Variants in HDAC9 observed in about 807,000 individuals in gnomAD.
HDAC9 encodes histone deacetylase 9, also known as MEF-2 interacting transcription repressor (MITR) protein.
In HDAC9, 41 loss-of-function variants were observed where a neutral mutation model predicts 139.4. The observed-to-expected ratio is 0.29, with a 90% confidence interval of 0.23 to 0.38. The LOEUF (loss-of-function observed/expected upper bound fraction) is 0.38, where lower values mean the gene tolerates loss of function less well. Among genes scored for constraint, HDAC9 ranks in the 10% least tolerant of loss-of-function variants. The probability of loss-of-function intolerance (pLI) is 1.00; values close to 1 mark genes in which losing one functional copy is unlikely to be tolerated. For synonymous variants in HDAC9, 517 were observed against 476.2 expected, an observed-to-expected ratio of 1.09 and a Z score of -1.12; for missense variants, 1,147 against 1,297.0, an observed-to-expected ratio of 0.88 and a Z score of 1.78.
intron 2 of HDAC9, among the ~76,000 whole-genome samples, chr7:18,269,962 T>C (rs1796250394): frequency 6.6e-6 from 1 of 152,138 alleles, no homozygotes; most frequent in Non-Finnish European, 1.5e-5. Flanking sequence ...CAGGGGTTTC[T>C]CAACCTCAGC....
intron 2 of HDAC9, among the ~76,000 whole-genome samples, chr7:18,259,075 T>C (rs1795473231): frequency 6.7e-6 from 1 of 148,590 alleles, no homozygotes; most frequent in Non-Finnish European, 1.5e-5. Flanking sequence ...GTTCAAGCAC[T>C]TCTCCTGCCT....
intron 2 of HDAC9, among the ~76,000 whole-genome samples, chr7:18,271,013 G>C (rs1469990588): frequency 6.6e-6 from 1 of 152,130 alleles, no homozygotes; most frequent in Non-Finnish European, 1.5e-5. Flanking sequence ...TGGAAAAAAT[G>C]CTCAGGGTAT....
At chr7:18,638,445 G>A (rs756290950) in intron 8 of HDAC9, among the ~76,000 whole-genome samples, 1 of 152,062 alleles carries the variant, frequency 6.6e-6, no homozygotes, top group Non-Finnish European at 1.5e-5. Context: ...TAGAATGTAT[G>A]GGTGTTCCAT....
chr7:18,262,154 G>T (rs4721704), intron 2 of HDAC9, among the ~76,000 whole-genome samples: 61,093 of 152,060 alleles, frequency 0.4, 13,846 homozygotes, highest in Admixed American at 0.52. Context: ...AAGGGCTATA[G>T]TAACCCAAAG....
chr7:18,232,281 T>C (rs1365564772), intron 2 of HDAC9, among the ~76,000 whole-genome samples: 1 of 152,022 alleles, frequency 6.6e-6, no homozygotes, highest in Non-Finnish European at 1.5e-5. Flanking sequence ...AACCAGAAGC[T>C]CCCAGGGTTG....
rs561346418 is a variant in HDAC9 at position 18,121,589 on chromosome 7, A to C, written c.-97+34376A>C. On this transcript the variant is annotated intron_variant, in intron 1 of 12. Transcript: ENST00000417496. ...TGAAATTATCTATAAAGGAGTTGAA[A>C]AAACAGCTTTTAATCAACATTCAAT... 2.3e-3 allele frequency among the ~76,000 whole-genome samples: 346 copies of C among 152,310 alleles called. 4 individuals are homozygous for C. Among genetic ancestry groups the C allele is most frequent in the African/African-American group, 8.0e-3 (333 of 41,562 alleles).
At chr7:18,888,160 G>A (rs1022682099) in intron 22 of HDAC9, among the ~76,000 whole-genome samples, 3 of 152,090 alleles carry the variant, frequency 2.0e-5, no homozygotes, top group Non-Finnish European at 4.4e-5. Context: ...GGTGGCTCCC[G>A]CCTGTAATCC....
chr7:18,710,681 C>A (rs962422703), intron 12 of HDAC9, among the ~76,000 whole-genome samples: 1 of 152,092 alleles, frequency 6.6e-6, no homozygotes, highest in Non-Finnish European at 1.5e-5. Context: ...GGCATTCATA[C>A]CTAGGAGTTG....
chr7:18,817,575 T>C (rs1794666403), intron 17 of HDAC9, among the ~76,000 whole-genome samples: 1 of 152,218 alleles, frequency 6.6e-6, no homozygotes, highest in Non-Finnish European at 1.5e-5. Flanking sequence ...TACAACTTAA[T>C]ATAAAAAATC....
intron 16 of HDAC9, among the ~76,000 whole-genome samples, chr7:18,782,872 G>A (rs530989655): frequency 2.6e-5 from 4 of 152,094 alleles, no homozygotes; most frequent in East Asian, 1.9e-4. Context: ...GAACTTGCCC[G>A]TGTTTGAATA....
intron 25 of HDAC9, among the ~76,000 whole-genome samples, chr7:18,977,552 G>T (rs1260159232): frequency 6.6e-6 from 1 of 152,150 alleles, no homozygotes; most frequent in East Asian, 1.9e-4. Context: ...AGGCAAAGTT[G>T]TTTATCCTCA....
At chr7:18,676,245 G>A (rs899626147) in intron 12 of HDAC9, among the ~76,000 whole-genome samples, 4 of 151,886 alleles carry the variant, frequency 2.6e-5, no homozygotes, top group Admixed American at 6.6e-5. Context: ...TTAGCAGTGC[G>A]GGGTTGTATA....
At chr7:18,562,935 G>A (rs982338771) in intron 2 of HDAC9, among the ~76,000 whole-genome samples, 10 of 151,944 alleles carry the variant, frequency 6.6e-5, no homozygotes, top group African/African-American at 2.4e-4. Context: ...ATACAGTGTT[G>A]TAATTTCGAT....
At chr7:18,811,436 T>C (rs546924959) in intron 17 of HDAC9, among the ~76,000 whole-genome samples, 1 of 151,992 alleles carries the variant, frequency 6.6e-6, no homozygotes, top group South Asian at 2.1e-4. Context: ...TGCTATGTTA[T>C]ATTTTCATTT....
intron 2 of HDAC9, among the ~76,000 whole-genome samples, chr7:18,548,458 G>T (rs1229238460): frequency 6.6e-6 from 1 of 152,190 alleles, no homozygotes. Context: ...CAATTTGTAA[G>T]AGGAAAAATA....
At chr7:18,490,457 A>T (rs149475595) in intron 1 of HDAC9, among the ~76,000 whole-genome samples, 1 of 152,034 alleles carries the variant, frequency 6.6e-6, no homozygotes. Context: ...GCTTTCAAAT[A>T]TAACAGTCTC....
intron 16 of HDAC9, among the ~76,000 whole-genome samples, chr7:18,772,785 T>G (rs1206120377): frequency 6.6e-6 from 1 of 152,104 alleles, no homozygotes; most frequent in African/African-American, 2.4e-5. Context: ...ATAAGCCACC[T>G]TAATGAAACT....
chr7:18,235,322 G>A (rs1009087045), intron 2 of HDAC9, among the ~76,000 whole-genome samples: 1 of 152,044 alleles, frequency 6.6e-6, no homozygotes, highest in African/African-American at 2.4e-5. Context: ...GACCCAGTAT[G>A]TCTTATAGGC....
chr7:18,626,095 G>A (rs1208799456), intron 6 of HDAC9, among the ~76,000 whole-genome samples: 2 of 152,058 alleles, frequency 1.3e-5, no homozygotes, highest in African/African-American at 2.4e-5. Context: ...GAACTGCTTA[G>A]GGAAGTGGGG....
Sources: gnomAD v4.1 joint callset for allele counts (sites outside exome capture counted in the v4.1 genomes callset) on GRCh38, gnomAD v4.1.1 for gene constraint, MANE v1.5 for transcripts, NCBI Gene and HGNC (gene_info 2026-07-23, HGNC 2026-07-21) for gene names.